Variants in KCNH7 observed in about 807,000 individuals in gnomAD.
KCNH7 encodes potassium voltage-gated channel subfamily H member 7.
In KCNH7, 49 loss-of-function variants were observed where a neutral mutation model predicts 120.8. That is an observed-to-expected ratio of 0.41 (90% confidence interval 0.32 to 0.51). The LOEUF (loss-of-function observed/expected upper bound fraction) is 0.51, where lower values mean the gene tolerates loss of function less well. KCNH7 is among the 20% of genes least tolerant of loss of function. The pLI, the probability that KCNH7 is intolerant of heterozygous loss-of-function variation, is 0.38. For synonymous variants in KCNH7, 547 were observed against 516.1 expected, an observed-to-expected ratio of 1.06 and a Z score of -0.81; for missense variants, 1,097 against 1,446.6, an observed-to-expected ratio of 0.76 and a Z score of 3.92.
chr2:162,517,812 T>G lies in KCNH7; in HGVS notation c.810A>C (p.Ile270=). The part of the protein sequence containing the change: ...HSRSRESLCS[I]RRASSVHDIE... The stretch of plus-strand genomic sequence containing the variant: ...TATCATGGACCGAAGATGCTCTCCG[T>G]ATACTACATAAGCTTTCCCTTGATC... The change falls in exon 4 of 16, where the codon ATA becomes ATC. Residue 270 remains isoleucine (I), a synonymous_variant. Coordinates refer to ENST00000332142, the MANE Select transcript of KCNH7 (RefSeq NM_033272.4). The G allele has an allele frequency of 6.2e-7, 1 of 1,612,014 alleles. No homozygotes were observed. The highest frequency in any genetic ancestry group is 1.1e-5 in the South Asian group (1 of 91,020).
intron 2 of KCNH7, among the ~76,000 whole-genome samples, chr2:162,728,365 A>G (rs1431498188): frequency 6.6e-6 from 1 of 151,844 alleles, no homozygotes; most frequent in Non-Finnish European, 1.5e-5. Flanking sequence ...TGTTTTTTAT[A>G]TTTTCTTTAT....
intron 2 of KCNH7, among the ~76,000 whole-genome samples, chr2:162,688,667 G>C (rs758688738): frequency 6.6e-6 from 1 of 151,638 alleles, no homozygotes; most frequent in Non-Finnish European, 1.5e-5. Flanking sequence ...TGTGGTATAG[G>C]TATTTTTAAT....
chr2:162,588,800 C>A (rs917857445), intron 2 of KCNH7, among the ~76,000 whole-genome samples: 1 of 152,058 alleles, frequency 6.6e-6, no homozygotes, highest in African/African-American at 2.4e-5. Context: ...ACTCATCCTG[C>A]AGTGGTATAG....
intron 3 of KCNH7, among the ~76,000 whole-genome samples, chr2:162,526,033 G>A (rs1024383606): frequency 2.0e-5 from 3 of 151,774 alleles, no homozygotes; most frequent in African/African-American, 7.3e-5. Context: ...CCTAAGTGTC[G>A]GCCAGTCTGA....
chr2:162,610,700 G>T (rs575027170), intron 2 of KCNH7, among the ~76,000 whole-genome samples: 3 of 152,136 alleles, frequency 2.0e-5, no homozygotes, highest in Non-Finnish European at 4.4e-5. Context: ...TCTCTGCTAA[G>T]GTACTGAAAT....
chr2:162,436,067 T>A (rs1688226147), intron 7 of KCNH7, among the ~76,000 whole-genome samples: 1 of 151,768 alleles, frequency 6.6e-6, no homozygotes, highest in East Asian at 2.0e-4. Flanking sequence ...AGAGAGAGAT[T>A]TTTTAAAAAC....
intron 6 of KCNH7, among the ~76,000 whole-genome samples, chr2:162,495,588 C>T (rs1392735488): frequency 1.3e-5 from 2 of 152,150 alleles, no homozygotes; most frequent in Admixed American, 1.3e-4. Context: ...GAACTCAGTC[C>T]TATCATGATT....
chr2:162,522,765 A>G (rs1191221328), intron 3 of KCNH7, among the ~76,000 whole-genome samples: 1 of 151,916 alleles, frequency 6.6e-6, no homozygotes, highest in Non-Finnish European at 1.5e-5. Flanking sequence ...AAGTACTGGT[A>G]AACTGCTTAC....
chr2:162,423,480 G>A lies in KCNH7; in HGVS notation c.2010C>T (p.Tyr670=), dbSNP rs891069994. The A allele has an allele frequency of 9.9e-6, 16 of 1,614,080 alleles. No individual in the cohort carries two copies. Among genetic ancestry groups the A allele is most frequent in the Non-Finnish European group, 1.4e-5 (16 of 1,179,936 alleles). ...GNVSAIIQRL[Y]SGTARYHMQM... ...GCATGTGGTACCTGGCAGTTCCCGA[G>A]TATAGTCTTTGGATAATTGCAGATA... The change falls in exon 9 of 16, where the codon TAC becomes TAT. Residue 670 remains tyrosine (Y), a synonymous_variant. Coordinates refer to ENST00000332142, the MANE Select transcript of KCNH7 (RefSeq NM_033272.4).
chr2:162,716,632 T>C (rs1420293408), intron 2 of KCNH7, among the ~76,000 whole-genome samples: 6 of 152,142 alleles, frequency 3.9e-5, no homozygotes, highest in Non-Finnish European at 7.4e-5. Flanking sequence ...GCTTTCTCAA[T>C]AAGTGAAGAT....
chr2:162,417,215 A>G (rs1411864034), intron 9 of KCNH7, among the ~76,000 whole-genome samples: 1 of 152,168 alleles, frequency 6.6e-6, no homozygotes, highest in Non-Finnish European at 1.5e-5. Context: ...CTTTGATTCC[A>G]TTAGGTTTAA....
At chr2:162,446,772 T>C (rs530162166) in intron 6 of KCNH7, among the ~76,000 whole-genome samples, 2 of 152,264 alleles carry the variant, frequency 1.3e-5, no homozygotes, top group East Asian at 1.9e-4. Context: ...TGGCTGTTTT[T>C]AGAAAATCAC....
intron 2 of KCNH7, among the ~76,000 whole-genome samples, chr2:162,681,994 C>T (rs1685728493): frequency 2.0e-5 from 3 of 150,850 alleles, no homozygotes; most frequent in Admixed American, 1.3e-4. Context: ...TGTTTTTTTT[C>T]AAAAGTAATT....
chr2:162,557,594 G>A (rs1448699738), intron 2 of KCNH7, among the ~76,000 whole-genome samples: 1 of 152,078 alleles, frequency 6.6e-6, no homozygotes, highest in East Asian at 1.9e-4. Flanking sequence ...CTTTCCCCTA[G>A]TCTTTGCAAA....
At chr2:162,662,431 C>A (rs912985726) in intron 2 of KCNH7, among the ~76,000 whole-genome samples, 3 of 152,102 alleles carry the variant, frequency 2.0e-5, no homozygotes, top group African/African-American at 4.8e-5. Context: ...TTCAAATAAG[C>A]TTGTTTTAGG....
intron 2 of KCNH7, among the ~76,000 whole-genome samples, chr2:162,740,733 G>T (rs973436403): frequency 1.1e-4 from 17 of 152,068 alleles, no homozygotes; most frequent in African/African-American, 4.1e-4. Flanking sequence ...CTACATCAGG[G>T]AATGCCATCT....
intron 14 of KCNH7, among the ~76,000 whole-genome samples, chr2:162,377,237 T>C (rs140115279): frequency 4.5e-4 from 68 of 151,516 alleles, no homozygotes; most frequent in African/African-American, 1.5e-3. Context: ...AAAAATGTAA[T>C]ATTTTGGATT....
At chr2:162,460,141 A>G (rs1220457107) in intron 6 of KCNH7, among the ~76,000 whole-genome samples, 1 of 150,790 alleles carries the variant, frequency 6.6e-6, no homozygotes, top group African/African-American at 2.4e-5. Flanking sequence ...GCTAAGGCTC[A>G]CTTTGCTCAG....
chr2:162,454,582 G>A (rs890342890), intron 6 of KCNH7, among the ~76,000 whole-genome samples: 1 of 152,132 alleles, frequency 6.6e-6, no homozygotes, highest in Admixed American at 6.6e-5. Context: ...TCCCATCCAT[G>A]AGCATGGAAT....
Sources: gnomAD v4.1 joint callset for allele counts (sites outside exome capture counted in the v4.1 genomes callset) on GRCh38, gnomAD v4.1.1 for gene constraint, MANE v1.5 for transcripts, NCBI Gene and HGNC (gene_info 2026-07-23, HGNC 2026-07-21) for gene names.